The following PELI1 variants were observed in gnomAD, a reference collection of about 807,000 sequenced individuals.
PELI1 encodes the protein pellino E3 ubiquitin protein ligase 1.
Under a neutral mutation model 41.3 loss-of-function variants are expected in PELI1, and 15 were observed. That is an observed-to-expected ratio of 0.36 (90% CI 0.24 to 0.56). The LOEUF (loss-of-function observed/expected upper bound fraction) is 0.56, where lower values mean the gene tolerates loss of function less well. PELI1 is among the 20% of genes least tolerant of loss of function. PELI1 has a pLI of 0.82. For missense variants in PELI1, 403 were observed against 525.5 expected, an observed-to-expected ratio of 0.77 and a Z score of 2.28; for synonymous variants, 178 against 180.1, an observed-to-expected ratio of 0.99 and a Z score of 0.09.
chr2:64,095,022 G>T lies in PELI1; in HGVS notation c.937C>A (p.His313Asn). The T allele has an allele frequency of 6.2e-7, 1 of 1,614,114 alleles. No homozygotes were observed. Among genetic ancestry groups the T allele is most frequent in the Non-Finnish European group, 8.5e-7 (1 of 1,179,978 alleles). ...KQPWVYLNCGHVHGYHNWGNK... is the reference protein window; with the variant it reads ...KQPWVYLNCGNVHGYHNWGNK... ...CCCCAGTTATGATAGCCATGTACATGGCCGCAGTTTAGATATACCCATGGT... is the reference window on the plus strand; with the variant it reads ...CCCCAGTTATGATAGCCATGTACATTGCCGCAGTTTAGATATACCCATGGT... Residue 313 changes from histidine (H) to asparagine (N), a missense_variant, in exon 7 of 7, where the codon CAT (histidine) becomes AAT (asparagine). Coordinates refer to ENST00000358912, the MANE Select transcript of PELI1 (RefSeq NM_020651.4).
intron 1 of PELI1, among the ~76,000 whole-genome samples, chr2:64,143,799 G>C (rs557227597): frequency 1.3e-5 from 2 of 151,952 alleles, no homozygotes; most frequent in Non-Finnish European, 2.9e-5. Context: ...CGCGCGGCCA[G>C]CCAGGCGCGG....
At chr2:64,097,553 T>C (rs1680285685) in intron 4 of PELI1, among the ~76,000 whole-genome samples, 1 of 152,158 alleles carries the variant, frequency 6.6e-6, no homozygotes, top group Non-Finnish European at 1.5e-5. Flanking sequence ...ATTTTGAAAG[T>C]TGAAAGAAAA....
chr2:64,104,634 A>T, intron 3 of PELI1, 67 bp downstream of exon 3: 1 of 1,496,044 alleles, frequency 6.7e-7, no homozygotes, highest in East Asian at 2.3e-5. Context: ...TAGAGAATAC[A>T]AACAACACAT....
At chr2:64,122,342 T>TAAA (rs59972052) in intron 1 of PELI1, among the ~76,000 whole-genome samples, 5 of 100,562 alleles carry the variant, frequency 5.0e-5, no homozygotes, top group Non-Finnish European at 1.1e-4. Flanking sequence ...CTCTGAAACT[T>TAAA]AAAAAAAAAA....
intron 1 of PELI1, among the ~76,000 whole-genome samples, chr2:64,119,891 C>T (rs535516663): frequency 1.3e-5 from 2 of 152,132 alleles, no homozygotes; most frequent in Non-Finnish European, 2.9e-5. Context: ...TTAAGCAACA[C>T]TCCATTTAAA....
At position 64,094,883 on chromosome 2, in the gene PELI1, G is replaced by A; in HGVS notation, c.1076C>T (p.Pro359Leu). ...CEAGFYVDAG[P>L]PTHAFSPCGH... ...ACACGGGCTAAACGCATGGGTTGGAGGGCCGGCGTCCACATAAAATCCAGC... is the reference window on the plus strand; with the variant it reads ...ACACGGGCTAAACGCATGGGTTGGAAGGCCGGCGTCCACATAAAATCCAGC... The change falls in exon 7 of 7, where the codon CCT becomes CTT. Residue 359 changes from proline to leucine, a missense_variant. Transcript: ENST00000358912. 6.2e-7 allele frequency: 1 copy of A among 1,614,184 alleles called. No individual in the cohort carries two copies. The highest frequency in any genetic ancestry group is 1.7e-5 in the Admixed American group (1 of 60,026).
At chr2:64,114,438 TGGA>T (rs1193056764) in intron 1 of PELI1, among the ~76,000 whole-genome samples, 1 of 152,202 alleles carries the variant, frequency 6.6e-6, no homozygotes, top group African/African-American at 2.4e-5. Flanking sequence ...CAGTAGTAGT[TGGA>T]GGTTACTACT....
rs1680117979 is a variant in PELI1, at chr2:64,093,429, TG to T, written c.*1272del. 1 of 152,602 alleles carries T rather than the reference TG, an allele frequency of 6.6e-6. No individual in the cohort carries two copies. The highest frequency in any genetic ancestry group is 1.5e-5 in the Non-Finnish European group (1 of 68,028). The allele number at this position is 152,602 out of a possible 1,614,324, so 9.5% of individuals were successfully genotyped here. A position where few individuals can be genotyped will look rare whatever the true frequency, so the allele number is the denominator to read the frequency against. On this transcript the variant is annotated 3_prime_UTR_variant, in exon 7 of 7. Coordinates refer to ENST00000358912, the MANE Select transcript of PELI1 (RefSeq NM_020651.4). ...GATGTAGTGCAACTGTCTATACTTG[TG>T]GTGCCTTTGAAAAAAGGGTGGGAAG...
intron 1 of PELI1, among the ~76,000 whole-genome samples, chr2:64,131,767 C>T: frequency 6.6e-6 from 1 of 152,082 alleles, no homozygotes; most frequent in East Asian, 1.9e-4. Context: ...ATTACAGGCA[C>T]ACACCACCAC....
chr2:64,108,099 TTGG>T, intron 2 of PELI1, 138 bp downstream of exon 2: 1 of 592,470 alleles, frequency 1.7e-6, no homozygotes, highest in Non-Finnish European at 3.0e-6. Context: ...GTTTCTTGAT[TTGG>T]TAACATTACC....
chr2:64,095,402 C>A (rs1680199765), intron 6 of PELI1, 134 bp from the exon 7 acceptor site: 2 of 609,480 alleles, frequency 3.3e-6, no homozygotes, highest in South Asian at 2.1e-5. Context: ...AAGAAACTGA[C>A]AGTAGTTATG....
intron 1 of PELI1, among the ~76,000 whole-genome samples, chr2:64,140,922 C>T (rs1205108408): frequency 1.3e-5 from 2 of 151,580 alleles, no homozygotes; most frequent in African/African-American, 2.4e-5. Flanking sequence ...TGGCACAGGT[C>T]ACACTTAAAA....
intron 1 of PELI1, among the ~76,000 whole-genome samples, chr2:64,122,014 C>CA: frequency 6.6e-6 from 1 of 151,482 alleles, no homozygotes; most frequent in African/African-American, 2.4e-5. Flanking sequence ...CTTTTCTTTT[C>CA]AAAACTACAT....
intron 1 of PELI1, among the ~76,000 whole-genome samples, chr2:64,131,269 T>TA (rs1397062613): frequency 2.0e-5 from 3 of 151,936 alleles, no homozygotes; most frequent in Non-Finnish European, 4.4e-5. Context: ...GATATATTCT[T>TA]AAAGCTCTCA....
chr2:64,126,219 A>C (rs1681378623), intron 1 of PELI1, among the ~76,000 whole-genome samples: 1 of 152,136 alleles, frequency 6.6e-6, no homozygotes, highest in Non-Finnish European at 1.5e-5. Context: ...GCTGGAGTGC[A>C]GTCACACGAT....
At chr2:64,118,710 A>G (rs148324827) in intron 1 of PELI1, among the ~76,000 whole-genome samples, 2 of 152,328 alleles carry the variant, frequency 1.3e-5, no homozygotes, top group African/African-American at 4.8e-5. Flanking sequence ...ATGACTGTCA[A>G]TATTTTTAAC....
intron 1 of PELI1, among the ~76,000 whole-genome samples, chr2:64,112,507 C>A (rs960468745): frequency 6.6e-6 from 1 of 152,126 alleles, no homozygotes; most frequent in Non-Finnish European, 1.5e-5. Context: ...ATTTCTAGAG[C>A]CCTTGGTCAA....
chr2:64,114,443 G>A (rs1680923702), intron 1 of PELI1, among the ~76,000 whole-genome samples: 1 of 152,172 alleles, frequency 6.6e-6, no homozygotes, highest in African/African-American at 2.4e-5. Flanking sequence ...GTAGTTGGAG[G>A]TTACTACTTT....
chr2:64,140,436 A>T (rs1287916063), intron 1 of PELI1, among the ~76,000 whole-genome samples: 2 of 152,106 alleles, frequency 1.3e-5, no homozygotes, highest in Non-Finnish European at 2.9e-5. Context: ...AGAATCTAAA[A>T]CATCTAGTAC....
Sources: allele counts gnomAD v4.1 joint callset (sites outside exome capture counted in the v4.1 genomes callset), GRCh38; gene constraint gnomAD v4.1.1; transcripts MANE v1.5; gene names NCBI Gene and HGNC (gene_info 2026-07-23, HGNC 2026-07-21).